Variants in GIGYF2 observed in about 807,000 individuals in gnomAD.
GIGYF2 encodes GRB10-interacting GYF protein 2.
Under a neutral mutation model 208.1 loss-of-function variants are expected in GIGYF2, and 25 were observed. That is an observed-to-expected ratio of 0.12 (90% CI 0.09 to 0.17). The LOEUF is 0.17. Among genes scored for constraint, GIGYF2 ranks in the 10% least tolerant of loss-of-function variants. GIGYF2 has a pLI of 1.00. For missense variants in GIGYF2, 1,302 were observed against 1,579.4 expected (o/e 0.82, Z 2.98); for synonymous variants, 534 against 543.8 (o/e 0.98, Z 0.25).
chr2:232,844,277 G>T, intron 24 of GIGYF2, 22 bp downstream of exon 24: 1 of 1,605,198 alleles, frequency 6.2e-7, no homozygotes, highest in Non-Finnish European at 8.5e-7. Flanking sequence ...TTCCTAAGCT[G>T]TCGTTGTATG....
At chr2:232,702,942 T>A (rs1163691753) in intron 1 of GIGYF2, among the ~76,000 whole-genome samples, 1 of 152,172 alleles carries the variant, frequency 6.6e-6, no homozygotes, top group Non-Finnish European at 1.5e-5. Flanking sequence ...ACTACAGGCA[T>A]GTGCCACCAT....
intron 2 of GIGYF2, among the ~76,000 whole-genome samples, chr2:232,718,641 A>G (rs1696805732): frequency 6.6e-6 from 1 of 152,194 alleles, no homozygotes; most frequent in African/African-American, 2.4e-5. Context: ...GATTTAATGG[A>G]TATTGCCAAT....
chr2:232,705,254 TA>T (rs760988979), intron 2 of GIGYF2, among the ~76,000 whole-genome samples: 1 of 152,196 alleles, frequency 6.6e-6, no homozygotes, highest in Non-Finnish European at 1.5e-5. Flanking sequence ...CTATTCACAT[TA>T]TTAGAGTAGT....
At chr2:232,804,981 A>G (rs1174467009) in intron 14 of GIGYF2, among the ~76,000 whole-genome samples, 1 of 148,886 alleles carries the variant, frequency 6.7e-6, no homozygotes, top group Admixed American at 6.6e-5. Flanking sequence ...ATTTTTTTTT[A>G]TTTCCATAGG....
intron 5 of GIGYF2, 90 bp from the exon 6 acceptor site, chr2:232,756,133 G>A: frequency 1.4e-6 from 1 of 736,810 alleles, no homozygotes; most frequent in Non-Finnish European, 2.3e-6. Flanking sequence ...TAGGAATGTG[G>A]GGAGAAGCAA....
chr2:232,816,401 C>A (rs539535749), intron 19 of GIGYF2, among the ~76,000 whole-genome samples: 33 of 152,300 alleles, frequency 2.2e-4, no homozygotes, highest in Admixed American at 1.0e-3. Flanking sequence ...AAGGTTCATA[C>A]AACATTGCTG....
At chr2:232,712,763 A>G (rs1696481862) in intron 2 of GIGYF2, among the ~76,000 whole-genome samples, 1 of 152,204 alleles carries the variant, frequency 6.6e-6, no homozygotes, top group South Asian at 2.1e-4. Flanking sequence ...TGCTTTGAGG[A>G]GTGGAACACG....
chr2:232,715,494 T>C (rs1574783507), intron 2 of GIGYF2, among the ~76,000 whole-genome samples: 1 of 151,940 alleles, frequency 6.6e-6, no homozygotes, highest in Non-Finnish European at 1.5e-5. Context: ...ATAATTCACA[T>C]AGAAATAATG....
intron 19 of GIGYF2, 77 bp downstream of exon 19, chr2:232,815,814 C>T (rs986823822): frequency 3.8e-6 from 3 of 781,088 alleles, no homozygotes; most frequent in Non-Finnish European, 6.8e-6. Context: ...ATTCATCTCT[C>T]TAGCTAGCTA....
intron 2 of GIGYF2, among the ~76,000 whole-genome samples, chr2:232,721,818 T>C (rs1392838044): frequency 6.6e-6 from 1 of 152,226 alleles, no homozygotes; most frequent in Non-Finnish European, 1.5e-5. Flanking sequence ...GCCATTATCC[T>C]GAGGTTACTT....
At chr2:232,849,058 T>C (rs1020363914) in intron 27 of GIGYF2, among the ~76,000 whole-genome samples, 1 of 152,164 alleles carries the variant, frequency 6.6e-6, no homozygotes, top group African/African-American at 2.4e-5. Flanking sequence ...ACGATGAGGA[T>C]GTGGAAGATA....
At chr2:232,760,742 T>A in intron 7 of GIGYF2, 151 bp downstream of exon 7, 1 of 612,472 alleles carries the variant, frequency 1.6e-6, no homozygotes, top group Non-Finnish European at 2.9e-6. Flanking sequence ...ACATTAGAAA[T>A]TTTTAAATGA....
At chr2:232,804,086 A>T (rs1001882280) in intron 14 of GIGYF2, among the ~76,000 whole-genome samples, 6 of 152,134 alleles carry the variant, frequency 3.9e-5, no homozygotes, top group Non-Finnish European at 7.4e-5. Context: ...GATTCTTCCC[A>T]GTTTAATCTT....
intron 5 of GIGYF2, among the ~76,000 whole-genome samples, chr2:232,753,903 C>T (rs769118930): frequency 2.0e-5 from 3 of 152,092 alleles, no homozygotes; most frequent in Non-Finnish European, 4.4e-5. Flanking sequence ...CAGTGGCTCA[C>T]ACCTGTAATC....
chr2:232,735,008 A>G, intron 2 of GIGYF2, 147 bp from the exon 3 acceptor site: 1 of 600,776 alleles, frequency 1.7e-6, no homozygotes, highest in Non-Finnish European at 3.0e-6. Flanking sequence ...CTGCTATATT[A>G]TTGTTTTAAG....
intron 8 of GIGYF2, chr2:232,765,362 A>G (rs574621343): frequency 6.5e-6 from 1 of 152,816 alleles, no homozygotes; most frequent in Non-Finnish European, 1.5e-5. Flanking sequence ...ACATTAAGAC[A>G]GTTCAAGTAC....
At chr2:232,753,728 A>G (rs1698421330) in intron 5 of GIGYF2, among the ~76,000 whole-genome samples, 1 of 152,210 alleles carries the variant, frequency 6.6e-6, no homozygotes, top group African/African-American at 2.4e-5. Flanking sequence ...AATGAGGCTC[A>G]GAGAAGTTGA....
intron 8 of GIGYF2, among the ~76,000 whole-genome samples, chr2:232,771,586 A>G (rs1259997769): frequency 4.6e-5 from 7 of 152,126 alleles, no homozygotes; most frequent in Non-Finnish European, 8.8e-5. Context: ...TATCTCTTCT[A>G]TTGTTTCTTT....
At chr2:232,703,669 A>C (rs1282606194) in intron 2 of GIGYF2, among the ~76,000 whole-genome samples, 180 bp downstream of exon 2, 1 of 152,210 alleles carries the variant, frequency 6.6e-6, no homozygotes, top group Admixed American at 6.5e-5. Flanking sequence ...CCCTTTCTGC[A>C]TTGACCCTGG....
Sources: gnomAD v4.1 joint callset for allele counts (sites outside exome capture counted in the v4.1 genomes callset) on GRCh38, gnomAD v4.1.1 for gene constraint, MANE v1.5 for transcripts, NCBI Gene and HGNC (gene_info 2026-07-23, HGNC 2026-07-21) for gene names.